The following NAV3 variants were observed in gnomAD, a reference collection of about 807,000 sequenced individuals.
NAV3 encodes pore membrane and/or filament interacting like protein 1.
A neutral mutation model predicts 244.7 loss-of-function variants in NAV3; 87 were observed. That is an observed-to-expected ratio of 0.36 (90% CI 0.30 to 0.42). The LOEUF is 0.42. Ranked by LOEUF, NAV3 falls within the 20% of genes least tolerant of loss-of-function variation. NAV3 has a pLI of 1.00. For missense variants in NAV3, 2,663 were observed against 2,893.3 expected, an observed-to-expected ratio of 0.92 and a Z score of 1.83; for synonymous variants, 1,126 against 1,042.2, an observed-to-expected ratio of 1.08 and a Z score of -1.55.
At position 78,119,857 on chromosome 12, in the gene NAV3, A is replaced by T. The variant is rs2138636520; in HGVS notation, c.3661A>T (p.Ser1221Cys). 1 of 1,614,172 alleles carries T rather than the reference A, an allele frequency of 6.2e-7. No individual in the cohort carries two copies. Among genetic ancestry groups the T allele is most frequent in the Non-Finnish European group, 8.5e-7 (1 of 1,180,010 alleles). ...TTCTTTGTCAGGTTCCCCCAAATCC[A>T]GCCCCACCTCTGCCAGCGCCTGTGG... ...SVSLSGSPKS[S>C]PTSASACGAQ... The change falls in exon 15 of 40, where the codon AGC becomes TGC. Residue 1221 changes from serine (S) to cysteine (C), a missense_variant. Around this residue, in one of 6 missense-constraint regions of NAV3, gnomAD observed 1,521 missense variants for 1,497.0 expected, o/e 1.02. Transcript: ENST00000397909.
chr12:78,118,213 A>T lies in NAV3; in HGVS notation c.2956A>T (p.Thr986Ser), dbSNP rs746054151. ...GAAAGCTTCCCTGTCTGTTTCACAG[A>T]CAGGTTCCTGGAGAAGAGGCATGTC... ...GQKASLSVSQ[T>S]GSWRRGMSAQ... is the part of the protein sequence containing the mutation. The change falls in exon 14 of 40, where the codon ACA becomes TCA. Residue 986 changes from threonine (T) to serine (S), a missense_variant. Transcript: ENST00000397909. The T allele has an allele frequency of 6.2e-7, 1 of 1,613,994 alleles. No homozygotes were observed. Among genetic ancestry groups the T allele is most frequent in the Non-Finnish European group, 8.5e-7 (1 of 1,179,980 alleles).
chr12:78,039,484 T>G (rs1325270791), intron 9 of NAV3, among the ~76,000 whole-genome samples: 1 of 152,102 alleles, frequency 6.6e-6, no homozygotes, highest in East Asian at 1.9e-4. Flanking sequence ...GTTTAAAAAT[T>G]TTCATCCAAA....
At chr12:78,072,904 T>G (rs1952850487) in intron 12 of NAV3, among the ~76,000 whole-genome samples, 2 of 132,358 alleles carry the variant, frequency 1.5e-5, no homozygotes, top group South Asian at 5.8e-4. Flanking sequence ...ATAAATGTAA[T>G]CCAGCATATA....
intron 2 of NAV3, among the ~76,000 whole-genome samples, chr12:77,575,260 T>G (rs1869025929): frequency 6.6e-6 from 1 of 152,016 alleles, no homozygotes; most frequent in African/African-American, 2.4e-5. Context: ...GATGTGTATC[T>G]TATAGGACTT....
chr12:77,724,009 A>G (rs12227741), intron 2 of NAV3, among the ~76,000 whole-genome samples: 2 of 151,838 alleles, frequency 1.3e-5, no homozygotes, highest in African/African-American at 4.8e-5. Flanking sequence ...TAAATGCCAA[A>G]TAAATTATTA....
intron 2 of NAV3, among the ~76,000 whole-genome samples, chr12:77,695,064 C>T (rs1433597174): frequency 2.0e-5 from 3 of 152,176 alleles, no homozygotes; most frequent in African/African-American, 7.2e-5. Context: ...CATGCTAAAA[C>T]ATTCTCAAAA....
chr12:77,573,692 G>A (rs932373377), intron 2 of NAV3, among the ~76,000 whole-genome samples: 19 of 151,968 alleles, frequency 1.3e-4, no homozygotes, highest in Admixed American at 7.9e-4. Context: ...TTTTTATAAC[G>A]TCCTTAACTC....
At chr12:78,140,691 C>G (rs1203457652) in intron 20 of NAV3, among the ~76,000 whole-genome samples, 1 of 151,968 alleles carries the variant, frequency 6.6e-6, no homozygotes, top group Non-Finnish European at 1.5e-5. Context: ...ATGTTTTGTT[C>G]TTTGAGCCGT....
At chr12:78,078,690 C>T (rs1355767289) in intron 12 of NAV3, among the ~76,000 whole-genome samples, 1 of 151,896 alleles carries the variant, frequency 6.6e-6, no homozygotes, top group East Asian at 2.0e-4. Flanking sequence ...CCACCGCGCC[C>T]GGCCTCTTTC....
intron 2 of NAV3, among the ~76,000 whole-genome samples, chr12:77,781,217 G>A (rs1240978810): frequency 6.6e-6 from 1 of 152,066 alleles, no homozygotes; most frequent in East Asian, 1.9e-4. Flanking sequence ...CTCAGCCAAG[G>A]GCATTCCAAA....
intron 16 of NAV3, among the ~76,000 whole-genome samples, chr12:78,123,883 A>G (rs1205141569): frequency 2.0e-5 from 3 of 152,206 alleles, no homozygotes; most frequent in Non-Finnish European, 4.4e-5. Flanking sequence ...CTTTGATTCT[A>G]GTTTCAGCAC....
At chr12:77,958,249 T>G (rs1370714435) in intron 3 of NAV3, among the ~76,000 whole-genome samples, 1 of 152,194 alleles carries the variant, frequency 6.6e-6, no homozygotes, top group Non-Finnish European at 1.5e-5. Context: ...GTTCCATTTT[T>G]CATGTGAGTA....
intron 2 of NAV3, among the ~76,000 whole-genome samples, chr12:77,817,701 T>G (rs945212067): frequency 6.6e-6 from 1 of 152,170 alleles, no homozygotes; most frequent in African/African-American, 2.4e-5. Flanking sequence ...ATTTTTCTTG[T>G]TTATGTACAC....
Position 77,658,384 on chromosome 12 carries a change from A to G in NAV3, c.72+86118A>G, listed in dbSNP as rs1021533262. ...TTGCTTCAAAGAGAATAAAATACCT[A>G]GGAATCCACCTTACAAGGGACGTGA... On this transcript the variant is annotated intron_variant, in intron 2 of 8. Transcript: ENST00000550042. Among the ~76,000 whole-genome samples, 288 of 150,888 alleles carry G rather than the reference A, an allele frequency of 1.9e-3. 2 individuals are homozygous for G. Among genetic ancestry groups the G allele is most frequent in the African/African-American group, 6.4e-3 (261 of 41,044 alleles).
intron 1 of NAV3, among the ~76,000 whole-genome samples, chr12:77,857,064 C>A (rs1265014190): frequency 6.6e-6 from 1 of 152,048 alleles, no homozygotes; most frequent in Non-Finnish European, 1.5e-5. Flanking sequence ...AGACGCTAGT[C>A]AAGGGAAATT....
At chr12:77,781,640 A>C (rs767085293) in intron 2 of NAV3, among the ~76,000 whole-genome samples, 3 of 152,166 alleles carry the variant, frequency 2.0e-5, no homozygotes, top group African/African-American at 4.8e-5. Flanking sequence ...GGCACATGTC[A>C]TCAGGACCTC....
chr12:78,096,811 G>T (rs930952177), intron 12 of NAV3, among the ~76,000 whole-genome samples: 1 of 152,070 alleles, frequency 6.6e-6, no homozygotes, highest in Non-Finnish European at 1.5e-5. Context: ...TTTGTTACTG[G>T]GTACCATATC....
intron 5 of NAV3, among the ~76,000 whole-genome samples, chr12:77,983,717 T>C (rs1869974775): frequency 3.3e-5 from 5 of 152,142 alleles, no homozygotes; most frequent in African/African-American, 9.7e-5. Flanking sequence ...CACAAACAAT[T>C]ACAGGTGAAG....
chr12:78,152,337 TA>T (rs1957110120), intron 22 of NAV3, among the ~76,000 whole-genome samples: 1 of 151,738 alleles, frequency 6.6e-6, no homozygotes, highest in South Asian at 2.1e-4. Flanking sequence ...AAATGACTAT[TA>T]AACAATTTTA....
Sources: gnomAD v4.1 joint callset for allele counts (sites outside exome capture counted in the v4.1 genomes callset) on GRCh38, gnomAD v4.1.1 for gene constraint, gnomAD v4.1.1 regional missense constraint, MANE v1.5 for transcripts, NCBI Gene and HGNC (gene_info 2026-07-23, HGNC 2026-07-21) for gene names.